CCDC7: variants seen among roughly 807,000 people sequenced by gnomAD.
CCDC7 encodes the protein coiled-coil domain containing 7, also known as coiled-coil domain-containing protein 7.
A neutral mutation model predicts 196.9 loss-of-function variants in CCDC7; 183 were observed. The ratio of observed to expected loss-of-function variants is 0.93; its 90% CI spans 0.82 to 1.05. The LOEUF is 1.05. Among genes scored for constraint, CCDC7 ranks in the 50% least tolerant of loss-of-function variants. The pLI, the probability that CCDC7 is intolerant of heterozygous loss-of-function variation, is 0.00. For synonymous variants in CCDC7, 525 were observed against 484.6 expected (o/e 1.08, Z -1.10); for missense variants, 1,540 against 1,482.2 (o/e 1.04, Z -0.64).
chr10:32,826,417 T>G (rs982243254), intron 32 of CCDC7, among the ~76,000 whole-genome samples: 20 of 152,186 alleles, frequency 1.3e-4, no homozygotes, highest in African/African-American at 4.8e-4. Flanking sequence ...GGTCATCAAG[T>G]CACCATGTGA....
intron 24 of CCDC7, among the ~76,000 whole-genome samples, chr10:32,697,351 A>T (rs529966811): frequency 8.5e-5 from 13 of 152,074 alleles, no homozygotes; most frequent in Non-Finnish European, 1.9e-4. Flanking sequence ...CAGCCCACAG[A>T]GTGTGAGCCA....
chr10:32,621,338 T>C (rs2063387207), intron 18 of CCDC7, among the ~76,000 whole-genome samples: 1 of 152,174 alleles, frequency 6.6e-6, no homozygotes, highest in Non-Finnish European at 1.5e-5. Flanking sequence ...TTGTTAGGAT[T>C]CCCAATTCAT....
intron 29 of CCDC7, among the ~76,000 whole-genome samples, chr10:32,796,070 C>G (rs1284311616): frequency 6.6e-6 from 1 of 152,038 alleles, no homozygotes; most frequent in Non-Finnish European, 1.5e-5. Flanking sequence ...CTTACTTCTC[C>G]CTCTGTCTCC....
chr10:32,632,334 T>C (rs956327086), intron 18 of CCDC7, among the ~76,000 whole-genome samples: 10 of 151,976 alleles, frequency 6.6e-5, no homozygotes, highest in African/African-American at 1.7e-4. Flanking sequence ...TTGCTTTTTT[T>C]CGAACTATTG....
chr10:32,599,136 C>A (rs1032080814), intron 18 of CCDC7, among the ~76,000 whole-genome samples: 1 of 152,256 alleles, frequency 6.6e-6, no homozygotes, highest in African/African-American at 2.4e-5. Context: ...CTGCTTGATT[C>A]GTTGACCCTT....
exon 41 of CCDC7, chr10:32,854,470 T>C: frequency 6.3e-7 from 1 of 1,582,296 alleles, no homozygotes. Context: ...CCAATACAGT[T>C]GGAAAACCTA....
At chr10:32,606,103 C>T (rs2061532044) in intron 18 of CCDC7, among the ~76,000 whole-genome samples, 1 of 150,858 alleles carries the variant, frequency 6.6e-6, no homozygotes, top group African/African-American at 2.5e-5. Context: ...GCTGCTTCAG[C>T]TAGAGCCTTG....
chr10:32,635,793 A>G lies in CCDC7; in HGVS notation c.2014+635A>G, dbSNP rs541367891. Among the ~76,000 whole-genome samples, 3 of 151,776 alleles carry G rather than the reference A, an allele frequency of 2.0e-5. No homozygotes were observed. In the East Asian group the frequency reaches 5.8e-4, roughly 29 times the overall value. On this transcript the variant is annotated intron_variant, in intron 20 of 41. Transcript: ENST00000639629. ...TGTTTTTTTTTTCTGTATCTCTTGC[A>G]TGAAGCTCATAGTTGTATATTTTTC...
chr10:32,490,752 C>A (rs1020775202), intron 8 of CCDC7, among the ~76,000 whole-genome samples: 4 of 151,844 alleles, frequency 2.6e-5, no homozygotes, highest in African/African-American at 4.8e-5. Context: ...GAGCTGAGAT[C>A]GCGCCACTGC....
At position 32,698,678 on chromosome 10, in the gene CCDC7, A is replaced by G. The variant is rs539666846; in HGVS notation, c.2458+3686A>G. ...AAAAAAGAGTAAAAAGAAATGAACA[A>G]ATCCTCCAAGAAATATGGGACTATG... is the stretch of plus-strand genomic sequence containing the variant. On this transcript the variant is annotated intron_variant, in intron 24 of 41. Coordinates refer to ENST00000639629, the Ensembl canonical transcript of CCDC7. 3.9e-5 allele frequency among the ~76,000 whole-genome samples: 6 copies of G among 152,302 alleles called. No homozygotes were observed. In the South Asian group the frequency reaches 1.0e-3, roughly 26 times the overall value.
At chr10:32,487,906 C>T (rs997121017) in intron 8 of CCDC7, among the ~76,000 whole-genome samples, 1 of 152,174 alleles carries the variant, frequency 6.6e-6, no homozygotes. Context: ...CTGGGGGGTG[C>T]CTCCCATTTA....
intron 28 of CCDC7, among the ~76,000 whole-genome samples, chr10:32,771,802 C>T (rs1056521002): frequency 2.0e-5 from 3 of 152,182 alleles, no homozygotes. Flanking sequence ...CTAAGGACCT[C>T]CTGGTTAGCA....
chr10:32,778,365 G>T (rs896128829), intron 28 of CCDC7, among the ~76,000 whole-genome samples: 7 of 152,180 alleles, frequency 4.6e-5, no homozygotes, highest in African/African-American at 1.2e-4. Flanking sequence ...TTTTGTATAT[G>T]ATAAAAAGCA....
intron 18 of CCDC7, among the ~76,000 whole-genome samples, chr10:32,612,159 G>A (rs538574105): frequency 2.6e-5 from 4 of 152,112 alleles, no homozygotes; most frequent in Admixed American, 2.6e-4. Context: ...GTATTCCTAG[G>A]TATTTTATTC....
intron 18 of CCDC7, among the ~76,000 whole-genome samples, chr10:32,600,205 G>A (rs2060848384): frequency 6.6e-6 from 1 of 150,848 alleles, no homozygotes; most frequent in African/African-American, 2.4e-5. Flanking sequence ...CATGGGATGT[G>A]TTTTCATTTG....
At chr10:32,542,509 T>C (rs1338222647) in intron 11 of CCDC7, among the ~76,000 whole-genome samples, 1 of 151,722 alleles carries the variant, frequency 6.6e-6, no homozygotes, top group Non-Finnish European at 1.5e-5. Flanking sequence ...GGCGTGCCCC[T>C]GTAGTCCCAG....
At chr10:32,775,674 C>T (rs1453072377) in intron 28 of CCDC7, among the ~76,000 whole-genome samples, 6 of 152,096 alleles carry the variant, frequency 3.9e-5, no homozygotes, top group African/African-American at 1.4e-4. Flanking sequence ...CCTTAAATTG[C>T]ACCCATATAT....
intron 32 of CCDC7, among the ~76,000 whole-genome samples, chr10:32,834,184 A>C (rs1487704416): frequency 1.3e-5 from 2 of 152,036 alleles, no homozygotes; most frequent in Non-Finnish European, 2.9e-5. Flanking sequence ...CTACATTCTA[A>C]ATGGACCTGA....
At chr10:32,685,925 A>G in intron 21 of CCDC7, 45 bp from the exon 23 acceptor site, 3 of 1,048,558 alleles carry the variant, frequency 2.9e-6, no homozygotes, top group Non-Finnish European at 4.1e-6. Flanking sequence ...TTCACAAAAG[A>G]TCCATTTTTC....
Sources: gnomAD v4.1 joint callset for allele counts (sites outside exome capture counted in the v4.1 genomes callset) on GRCh38, gnomAD v4.1.1 for gene constraint, MANE v1.5 for transcripts, NCBI Gene and HGNC (gene_info 2026-07-23, HGNC 2026-07-21) for gene names.